The following POC5 variants were observed in gnomAD, a reference collection of about 807,000 sequenced individuals.
POC5 encodes centrosomal protein POC5.
A neutral mutation model predicts 62.9 loss-of-function variants in POC5; 48 were observed. That is an observed-to-expected ratio of 0.76 (90% CI 0.61 to 0.97). The LOEUF is 0.97. Among genes scored for constraint, POC5 ranks in the 50% least tolerant of loss-of-function variants. The pLI is 0.00. For synonymous variants in POC5, 236 were observed against 228.2 expected (o/e 1.03, Z -0.31); for missense variants, 696 against 679.5 (o/e 1.02, Z -0.27).
intron 5 of POC5, among the ~76,000 whole-genome samples, chr5:75,697,799 C>T (rs1236370200): frequency 6.6e-6 from 1 of 150,858 alleles, no homozygotes; most frequent in African/African-American, 2.4e-5. Flanking sequence ...CAAGATCCAT[C>T]AGTGTGCTGT....
chr5:75,687,370 A>AT (rs929720682), intron 9 of POC5, among the ~76,000 whole-genome samples: 9 of 149,120 alleles, frequency 6.0e-5, no homozygotes, highest in Admixed American at 2.0e-4. Flanking sequence ...GCCAAAAGTA[A>AT]TTTTTTTTTC....
At chr5:75,692,897 G>T (rs1776400621) in intron 6 of POC5, among the ~76,000 whole-genome samples, 1 of 151,536 alleles carries the variant, frequency 6.6e-6, no homozygotes, top group African/African-American at 2.4e-5. Context: ...TATCTTTCTG[G>T]TCCCTACTAC....
In POC5 at chr5:75,674,232, G is replaced by T; in HGVS notation, c.*203C>A. The T allele has an allele frequency of 2.5e-6, 1 of 396,564 alleles. No individual in the cohort carries two copies. Among genetic ancestry groups the T allele is most frequent in the Non-Finnish European group, 4.3e-6 (1 of 233,818 alleles). The allele number at this position is 396,564 out of a possible 1,614,324, so 24.6% of individuals were successfully genotyped here. A position where few individuals can be genotyped will look rare whatever the true frequency, so the allele number is the denominator to read the frequency against. ...TAATTTAAAAAAGTTTTACTTAATT[G>T]CTTAAATAAAAAATAACATTAAAAT... On this transcript the variant is annotated 3_prime_UTR_variant, in exon 12 of 12. Transcript: ENST00000428202.
At chr5:75,692,943 A>G (rs574573673) in intron 6 of POC5, among the ~76,000 whole-genome samples, 40 of 151,254 alleles carry the variant, frequency 2.6e-4, no homozygotes, top group East Asian at 9.7e-4. Flanking sequence ...CGACTGTCCA[A>G]TGATTTTCTG....
chr5:75,678,846 G>A (rs780323017), intron 10 of POC5, among the ~76,000 whole-genome samples: 1 of 152,120 alleles, frequency 6.6e-6, no homozygotes, highest in Non-Finnish European at 1.5e-5. Context: ...TAATACTCCA[G>A]AAAAATATTT....
intron 1 of POC5, among the ~76,000 whole-genome samples, chr5:75,717,105 A>G (rs1055313093): frequency 2.0e-5 from 3 of 152,212 alleles, no homozygotes; most frequent in African/African-American, 7.2e-5. Context: ...ATCGCTCAGC[A>G]TCCCTCACTC....
chr5:75,705,925 T>C, intron 3 of POC5, 138 bp from the exon 4 acceptor site: 1 of 543,482 alleles, frequency 1.8e-6, no homozygotes, highest in Non-Finnish European at 3.2e-6. Flanking sequence ...ATAGGAACAC[T>C]AAAACAAAGG....
In POC5 at chr5:75,674,594, T is replaced by C. The variant is rs1459928997; in HGVS notation, c.1585-16A>G. The C allele has an allele frequency of 1.9e-6, 3 of 1,612,908 alleles. No homozygotes were observed. The highest frequency in any genetic ancestry group is 2.5e-6 in the Non-Finnish European group (3 of 1,179,192). On this transcript the variant is annotated splice_polypyrimidine_tract_variant and intron_variant, in intron 11 of 11. Transcript: ENST00000428202. ...GAATGGTTTGCTGAAAAGACAAAATTCTGCTTTAATAATATCCCAAGATTA... is the reference window on the plus strand; with the variant it reads ...GAATGGTTTGCTGAAAAGACAAAATCCTGCTTTAATAATATCCCAAGATTA...
At chr5:75,684,555 G>A (rs564563516) in intron 10 of POC5, among the ~76,000 whole-genome samples, 2 of 151,952 alleles carry the variant, frequency 1.3e-5, no homozygotes, top group East Asian at 1.9e-4. Context: ...TAGTAGAGGC[G>A]GGGTTTCACC....
At chr5:75,708,099 C>T (rs181906202) in intron 2 of POC5, among the ~76,000 whole-genome samples, 1 of 152,294 alleles carries the variant, frequency 6.6e-6, no homozygotes, top group African/African-American at 2.4e-5. Context: ...GTGACTCATG[C>T]CTGTAAACTC....
In POC5 at chr5:75,693,026, CTATATAT is replaced by C. The variant is rs200386347; in HGVS notation, c.691-533_691-527del. Among the ~76,000 whole-genome samples, 511 of 147,334 alleles carry C rather than the reference CTATATAT, an allele frequency of 3.5e-3. 2 individuals are homozygous for C. Among genetic ancestry groups the C allele is most frequent in the East Asian group, 0.029 (146 of 5,102 alleles). Reference sequence around the variant, plus strand: ...TAATATGTTATAGTTATATATATAACTATATATTATATATGTTATATATACCTATTAA... The same window carrying C: ...TAATATGTTATAGTTATATATATAACTATATATGTTATATATACCTATTAA... On this transcript the variant is annotated intron_variant, in intron 6 of 11. Transcript: ENST00000428202.
chr5:75,682,729 G>A (rs918272779), intron 10 of POC5, among the ~76,000 whole-genome samples: 4 of 151,844 alleles, frequency 2.6e-5, no homozygotes, highest in Non-Finnish European at 4.4e-5. Flanking sequence ...ATTGGCCAGC[G>A]TGGTCTCAAT....
intron 11 of POC5, among the ~76,000 whole-genome samples, chr5:75,676,460 A>T (rs769266925): frequency 6.6e-6 from 1 of 151,970 alleles, no homozygotes; most frequent in African/African-American, 2.4e-5. Context: ...CCAGCCTTCC[A>T]CCTCGCTAAG....
chr5:75,678,465 T>C (rs1421701481), intron 10 of POC5, among the ~76,000 whole-genome samples: 1 of 152,124 alleles, frequency 6.6e-6, no homozygotes, highest in Non-Finnish European at 1.5e-5. Flanking sequence ...CATATCCATC[T>C]CTCTGTTCCT....
intron 5 of POC5, among the ~76,000 whole-genome samples, chr5:75,695,184 G>C (rs1369582396): frequency 6.6e-6 from 1 of 152,150 alleles, no homozygotes; most frequent in Non-Finnish European, 1.5e-5. Context: ...ACATAACTAT[G>C]GCATAGGCTA....
In POC5 at chr5:75,674,557, C is replaced by T. The variant is rs1433562167; in HGVS notation, c.1606G>A (p.Ala536Thr). The change falls in exon 12 of 12, where the codon GCA (alanine) becomes ACA (threonine). Residue 536 changes from alanine to threonine, a missense_variant. Physicochemically the swap from Ala to Thr is moderately conservative, Grantham distance 58. Coordinates refer to ENST00000428202, the MANE Select transcript of POC5 (RefSeq NM_001099271.2). Reference protein sequence around the residue: ...VTVQTIPQATAAKYPRTIHPE... With the variant: ...VTVQTIPQATTAKYPRTIHPE... ...TGAATGGTCCGGGGATATTTTGCTG[C>T]AGTTGCTTGAGGAATGGTTTGCTGA... The T allele has an allele frequency of 5.0e-6, 8 of 1,613,774 alleles. No homozygotes were observed. The highest frequency in any genetic ancestry group is 6.8e-6 in the Non-Finnish European group (8 of 1,179,870).
chr5:75,684,449 T>TC (rs201309554), intron 10 of POC5, among the ~76,000 whole-genome samples: 36,658 of 150,596 alleles, frequency 0.24, 4,692 homozygotes, highest in South Asian at 0.32. Flanking sequence ...CACTGCAACT[T>TC]CGCCTCCGGG....
chr5:75,676,503 A>T (rs192794664), intron 11 of POC5, among the ~76,000 whole-genome samples: 1 of 152,018 alleles, frequency 6.6e-6, no homozygotes. Context: ...GTTCAAATCA[A>T]TCCAGCTTGT....
At chr5:75,704,626 T>C (rs974304516) in intron 4 of POC5, among the ~76,000 whole-genome samples, 14 of 152,192 alleles carry the variant, frequency 9.2e-5, no homozygotes, top group African/African-American at 2.7e-4. Context: ...AAGAAAGCGA[T>C]AGACTCTGCT....
Sources: allele counts gnomAD v4.1 joint callset (sites outside exome capture counted in the v4.1 genomes callset), GRCh38; gene constraint gnomAD v4.1.1; transcripts MANE v1.5; gene names NCBI Gene and HGNC (gene_info 2026-07-23, HGNC 2026-07-21).